TM9SF4: variants seen among roughly 807,000 people sequenced by gnomAD.
The protein encoded by TM9SF4 is dinucleotide oxidase disulfide thiol exchanger 3 superfamily member 4.
Under a neutral mutation model 90.4 loss-of-function variants are expected in TM9SF4, and 26 were observed. That is an observed-to-expected ratio of 0.29 (90% CI 0.21 to 0.40). The LOEUF is 0.40. Ranked by LOEUF, TM9SF4 falls within the 10% of genes least tolerant of loss-of-function variation. The pLI, the probability that TM9SF4 is intolerant of heterozygous loss-of-function variation, is 1.00. For missense variants in TM9SF4, 549 were observed against 834.8 expected (o/e 0.66, Z 4.22); for synonymous variants, 293 against 315.4 (o/e 0.93, Z 0.75).
At chr20:32,150,103 TA>T (rs2046820126) in intron 10 of TM9SF4, among the ~76,000 whole-genome samples, 1 of 152,308 alleles carries the variant, frequency 6.6e-6, no homozygotes, top group African/African-American at 2.4e-5. Context: ...TGAAATCAAA[TA>T]TTTTTTTCTT....
At chr20:32,152,492 C>T (rs2046857487) in intron 12 of TM9SF4, among the ~76,000 whole-genome samples, 1 of 152,006 alleles carries the variant, frequency 6.6e-6, no homozygotes, top group South Asian at 2.1e-4. Flanking sequence ...ACCAAATGTT[C>T]TGTGAATGTT....
At chr20:32,156,466 T>C (rs2046922100) in intron 13 of TM9SF4, among the ~76,000 whole-genome samples, 1 of 152,254 alleles carries the variant, frequency 6.6e-6, no homozygotes, top group South Asian at 2.1e-4. Context: ...TCGAGTCCCA[T>C]ATATAAAGTG....
intron 8 of TM9SF4, 116 bp from the exon 9 acceptor site, chr20:32,146,668 TG>T: frequency 1.0e-6 from 1 of 962,584 alleles, no homozygotes; most frequent in Non-Finnish European, 1.6e-6. Context: ...CAGTTCATAA[TG>T]GAGCAAGCCG....
At chr20:32,157,343 A>G (rs2046941323) in intron 13 of TM9SF4, among the ~76,000 whole-genome samples, 1 of 152,220 alleles carries the variant, frequency 6.6e-6, no homozygotes, top group Non-Finnish European at 1.5e-5. Flanking sequence ...TTTTATTAAA[A>G]TGGAATCCTT....
At chr20:32,127,149 T>A (rs6121351) in intron 1 of TM9SF4, among the ~76,000 whole-genome samples, 15,083 of 152,216 alleles carry the variant, frequency 0.099, 1,550 homozygotes, top group African/African-American at 0.26. Context: ...GACTCTCAGT[T>A]TCCTCATCTG....
chr20:32,148,845 T>C (rs1253148472), intron 9 of TM9SF4, among the ~76,000 whole-genome samples: 1 of 152,076 alleles, frequency 6.6e-6, no homozygotes, highest in East Asian at 1.9e-4. Flanking sequence ...TAATTTTTTG[T>C]ATTTTTAGTA....
At chr20:32,150,967 T>A in intron 12 of TM9SF4, 92 bp downstream of exon 12, 1 of 1,483,530 alleles carries the variant, frequency 6.7e-7, no homozygotes, top group Non-Finnish European at 9.2e-7. Flanking sequence ...CTGGTGGGGA[T>A]TTTTGGGCCA....
chr20:32,121,996 C>G (rs1291870297), intron 1 of TM9SF4, among the ~76,000 whole-genome samples: 2 of 145,768 alleles, frequency 1.4e-5, no homozygotes, highest in Non-Finnish European at 3.1e-5. Flanking sequence ...CCCCCACCTC[C>G]CTCCCGGACA....
chr20:32,157,835 C>G lies in TM9SF4; in HGVS notation c.1371C>G (p.Phe457Leu). 6.2e-7 allele frequency: 1 copy of G among 1,614,148 alleles called. No homozygotes were observed. The highest frequency in any genetic ancestry group is 8.5e-7 in the Non-Finnish European group (1 of 1,180,020). Reference protein sequence around the residue: ...PTMVALLCMWFGISLPLVYLG... With the variant: ...PTMVALLCMWLGISLPLVYLG... ...TGGTGGCTCTGCTGTGCATGTGGTT[C>G]GGGATCTCCCTGCCCCTCGTCTACT... Residue 457 changes from phenylalanine to leucine, a missense_variant, in exon 14 of 18, where the codon TTC (phenylalanine) becomes TTG (leucine). Around this residue, in one of 2 missense-constraint regions of TM9SF4, gnomAD observed 495 missense variants for 711.7 expected, o/e 0.70. Transcript: ENST00000398022.
chr20:32,149,821 C>G, intron 10 of TM9SF4, 55 bp downstream of exon 10: 2 of 1,602,144 alleles, frequency 1.2e-6, no homozygotes, highest in Non-Finnish European at 1.7e-6. Context: ...TTCCAGGTGC[C>G]TCAAGGAGAG....
intron 1 of TM9SF4, among the ~76,000 whole-genome samples, chr20:32,122,195 C>T (rs2046326691): frequency 7.4e-6 from 1 of 135,252 alleles, no homozygotes. Flanking sequence ...GGCGGCTGGC[C>T]GGGCCGGGGG....
chr20:32,132,937 G>A, intron 1 of TM9SF4, 76 bp from the exon 2 acceptor site: 1 of 1,306,798 alleles, frequency 7.7e-7, no homozygotes, highest in Non-Finnish European at 1.1e-6. Flanking sequence ...ACATGAAGGT[G>A]GTATGACTTG....
chr20:32,161,577 CA>C, intron 17 of TM9SF4, among the ~76,000 whole-genome samples: 1 of 152,246 alleles, frequency 6.6e-6, no homozygotes, highest in South Asian at 2.1e-4. Context: ...CAAAGGCCAT[CA>C]GGATACGTGA....
chr20:32,151,884 C>A (rs185095887), intron 12 of TM9SF4, among the ~76,000 whole-genome samples: 5 of 148,200 alleles, frequency 3.4e-5, no homozygotes, highest in Admixed American at 3.4e-4. Context: ...TTTTTTTAGA[C>A]GGAGTCTCGC....
intron 6 of TM9SF4, among the ~76,000 whole-genome samples, chr20:32,143,902 C>G (rs758074058): frequency 1.2e-4 from 18 of 152,100 alleles, no homozygotes; most frequent in Non-Finnish European, 2.1e-4. Flanking sequence ...CCCCCACTGG[C>G]TCTTCAAGCT....
Position 32,114,642 on chromosome 20 carries a change from T to C in TM9SF4, c.15+4887T>C, listed in dbSNP as rs1404352723. 2.0e-5 allele frequency among the ~76,000 whole-genome samples: 3 copies of C among 152,142 alleles called. No individual in the cohort carries two copies. The South Asian group carries it at 6.2e-4, about 32-fold the overall frequency. Reference sequence around the variant, plus strand: ...GTCACTGTGCCCAGCAAAAACTGTTTTTAATGGTGAAATAGCGTGCTAATC... The same window carrying C: ...GTCACTGTGCCCAGCAAAAACTGTTCTTAATGGTGAAATAGCGTGCTAATC... On this transcript the variant is annotated intron_variant, in intron 1 of 17. Coordinates refer to ENST00000398022, the MANE Select transcript of TM9SF4 (RefSeq NM_014742.4).
chr20:32,139,195 C>T (rs773954165), intron 3 of TM9SF4, among the ~76,000 whole-genome samples: 2 of 152,248 alleles, frequency 1.3e-5, no homozygotes, highest in Non-Finnish European at 2.9e-5. Context: ...GTGTAGCTCG[C>T]GGCCCTGCCA....
At chr20:32,155,310 C>A in intron 13 of TM9SF4, 124 bp downstream of exon 13, 1 of 867,392 alleles carries the variant, frequency 1.2e-6, no homozygotes, top group East Asian at 2.5e-5. Context: ...GAGTTACGTT[C>A]CCAGCCATGA....
rs779653917 is a variant in TM9SF4, at chr20:32,165,492, A to G, written c.*48A>G. ...TTGCTCCGTCCTCGGACAGGAAGCC[A>G]CCCTGCGTGGGGGACTGCAGGCACG... On this transcript the variant is annotated 3_prime_UTR_variant, in exon 18 of 18. Transcript: ENST00000398022. 1 of 1,604,352 alleles carries G rather than the reference A, an allele frequency of 6.2e-7. No individual in the cohort carries two copies. Among genetic ancestry groups the G allele is most frequent in the East Asian group, 2.2e-5 (1 of 44,584 alleles).
Sources: allele counts gnomAD v4.1 joint callset (sites outside exome capture counted in the v4.1 genomes callset), GRCh38; gene constraint gnomAD v4.1.1; regional missense constraint gnomAD v4.1.1; transcripts MANE v1.5; gene names NCBI Gene and HGNC (gene_info 2026-07-23, HGNC 2026-07-21).